The following TRPM8 variants were observed in gnomAD, a reference collection of about 807,000 sequenced individuals.
TRPM8 encodes transient receptor potential cation channel subfamily M member 8.
Under a neutral mutation model 133.7 loss-of-function variants are expected in TRPM8, and 110 were observed. The ratio of observed to expected loss-of-function variants is 0.82; its 90% CI spans 0.70 to 0.96. TRPM8 has a LOEUF of 0.96. Ranked by LOEUF, TRPM8 falls within the 40% of genes least tolerant of loss-of-function variation. The pLI, the probability that TRPM8 is intolerant of heterozygous loss-of-function variation, is 0.00. For missense variants in TRPM8, 1,291 were observed against 1,379.5 expected, an observed-to-expected ratio of 0.94 and a Z score of 1.02; for synonymous variants, 535 against 532.3, an observed-to-expected ratio of 1.01 and a Z score of -0.07.
intron 14 of TRPM8, among the ~76,000 whole-genome samples, chr2:233,966,284 C>T (rs1691572694): frequency 1.3e-5 from 2 of 151,950 alleles, no homozygotes; most frequent in Admixed American, 1.3e-4. Context: ...AGGTTAGATC[C>T]CTTCTCAGTG....
chr2:233,985,007 C>A (rs1327902004), intron 20 of TRPM8, among the ~76,000 whole-genome samples: 1 of 151,636 alleles, frequency 6.6e-6, no homozygotes, highest in African/African-American at 2.4e-5. Context: ...TCACTTGAAC[C>A]TGGGAGGTAG....
intron 24 of TRPM8, chr2:234,013,567 C>T (rs1057370042): frequency 6.6e-6 from 1 of 151,940 alleles, no homozygotes; most frequent in African/African-American, 2.4e-5. Flanking sequence ...TTCAAAAAAC[C>T]AACTCTTACT....
intron 22 of TRPM8, among the ~76,000 whole-genome samples, chr2:234,006,591 T>C (rs1011743104): frequency 1.3e-5 from 2 of 152,236 alleles, no homozygotes; most frequent in Admixed American, 1.3e-4. Context: ...AACACACAGA[T>C]AGGATTTAGA....
At chr2:233,992,043 A>G (rs1421805987) in intron 21 of TRPM8, among the ~76,000 whole-genome samples, 5 of 152,192 alleles carry the variant, frequency 3.3e-5, no homozygotes, top group Non-Finnish European at 5.9e-5. Context: ...TCTTTTTCAT[A>G]TGGATCTGGC....
At chr2:233,997,483 A>T (rs546064372) in intron 22 of TRPM8, among the ~76,000 whole-genome samples, 2 of 152,180 alleles carry the variant, frequency 1.3e-5, no homozygotes, top group East Asian at 3.9e-4. Flanking sequence ...GAGGGACAGG[A>T]TGGGAAGGGG....
chr2:233,961,114 CT>C, intron 12 of TRPM8, 48 bp downstream of exon 12: 2 of 1,569,262 alleles, frequency 1.3e-6, no homozygotes, highest in Non-Finnish European at 1.7e-6. Context: ...TATTTTGAGG[CT>C]TCCCTCATAA....
chr2:234,008,689 C>A (rs952291788), intron 24 of TRPM8, among the ~76,000 whole-genome samples: 2 of 152,072 alleles, frequency 1.3e-5, no homozygotes, highest in African/African-American at 4.8e-5. Context: ...AGAATGGCAT[C>A]CCGGATGATG....
chr2:233,928,418 T>C (rs1691613890), intron 2 of TRPM8, among the ~76,000 whole-genome samples: 1 of 151,732 alleles, frequency 6.6e-6, no homozygotes. Flanking sequence ...TTCTGGGGGG[T>C]TCCTTTTTGC....
At chr2:233,930,613 C>A in intron 2 of TRPM8, 55 bp from the exon 3 acceptor site, 2 of 1,238,458 alleles carry the variant, frequency 1.6e-6, no homozygotes, top group Non-Finnish European at 2.3e-6. Context: ...TCATCAATAT[C>A]AGCAAGGGGT....
intron 9 of TRPM8, 115 bp downstream of exon 9, chr2:233,950,261 G>A (rs1691144058): frequency 4.8e-6 from 5 of 1,047,062 alleles, no homozygotes; most frequent in South Asian, 1.6e-5. Context: ...TATTTTCTCC[G>A]TGCCTTTGAG....
In TRPM8 at chr2:233,964,685, A is replaced by C. The variant is rs767777569; in HGVS notation, c.1807A>C (p.Lys603Gln). The C allele has an allele frequency of 6.2e-7, 1 of 1,612,720 alleles. No homozygotes were observed. Among genetic ancestry groups the C allele is most frequent in the Admixed American group, 1.7e-5 (1 of 59,984 alleles). Residue 603 changes from lysine to glutamine, a missense_variant, in exon 14 of 26, where the codon AAA (lysine) becomes CAA (glutamine). This residue lies in a region of TRPM8 where 963 missense variants were observed against 968.9 expected (regional missense o/e 0.99). Transcript: ENST00000324695. ...CAGCAAGCTTCTGAAGACTCTGGCC[A>C]AAGTGAAGAACGACATCAATGCTGC... The part of the protein sequence containing the change: ...GASKLLKTLA[K>Q]VKNDINAAGE...
At chr2:233,994,072 C>T (rs1165395004) in intron 21 of TRPM8, among the ~76,000 whole-genome samples, 2 of 152,122 alleles carry the variant, frequency 1.3e-5, no homozygotes, top group Non-Finnish European at 2.9e-5. Flanking sequence ...TCCCCAAACT[C>T]GAATATTTCA....
chr2:234,007,934 G>A (rs1692733607), intron 23 of TRPM8, 136 bp from the exon 24 acceptor site: 3 of 892,376 alleles, frequency 3.4e-6, no homozygotes, highest in African/African-American at 1.7e-5. Context: ...AAATGCAGCT[G>A]ATTCTTGATT....
intron 22 of TRPM8, among the ~76,000 whole-genome samples, chr2:234,002,562 C>G (rs1692595755): frequency 6.6e-6 from 1 of 152,150 alleles, no homozygotes; most frequent in African/African-American, 2.4e-5. Context: ...CAGATCACCA[C>G]ATGGAATTAG....
intron 6 of TRPM8, chr2:233,943,082 T>C (rs1690950828): frequency 5.0e-6 from 2 of 403,662 alleles, no homozygotes; most frequent in South Asian, 8.9e-5. Flanking sequence ...TTTTTTTTTT[T>C]TTTTTACACC....
intron 14 of TRPM8, 101 bp from the exon 15 acceptor site, chr2:233,966,509 G>A: frequency 4.9e-6 from 7 of 1,442,766 alleles, no homozygotes; most frequent in Non-Finnish European, 5.8e-6. Context: ...CTCACGCACA[G>A]GCTATTTTTG....
chr2:233,978,511 G>T (rs565514904), intron 17 of TRPM8, among the ~76,000 whole-genome samples: 1 of 151,838 alleles, frequency 6.6e-6, no homozygotes, highest in African/African-American at 2.4e-5. Context: ...TTTTTTCTTC[G>T]TTCCTGGTTT....
chr2:234,001,657 C>G (rs1470469241), intron 22 of TRPM8, among the ~76,000 whole-genome samples: 7 of 152,224 alleles, frequency 4.6e-5, no homozygotes, highest in Admixed American at 6.5e-5. Flanking sequence ...GAGCACCCCC[C>G]CTTAGCACCT....
intron 9 of TRPM8, chr2:233,953,589 C>A (rs1691221857): frequency 5.6e-6 from 1 of 177,448 alleles, no homozygotes; most frequent in Non-Finnish European, 1.2e-5. Context: ...ATTGTCCCTT[C>A]TTTATTTACT....
Sources: allele counts gnomAD v4.1 joint callset (sites outside exome capture counted in the v4.1 genomes callset), GRCh38; gene constraint gnomAD v4.1.1; regional missense constraint gnomAD v4.1.1; transcripts MANE v1.5; gene names NCBI Gene and HGNC (gene_info 2026-07-23, HGNC 2026-07-21).